MYO16: variants seen among roughly 807,000 people sequenced by gnomAD.
The protein encoded by MYO16 is myosin XVI, also known as unconventional myosin-XVI.
In MYO16, 94 loss-of-function variants were observed where a neutral mutation model predicts 205.3. The ratio of observed to expected loss-of-function variants is 0.46; its 90% CI spans 0.39 to 0.54. The LOEUF (loss-of-function observed/expected upper bound fraction) is 0.54. Ranked by LOEUF, MYO16 falls within the 20% of genes least tolerant of loss-of-function variation. MYO16 has a pLI of 0.00. For missense variants in MYO16, 2,315 were observed against 2,387.5 expected (o/e 0.97, Z 0.63); for synonymous variants, 988 against 954.0 (o/e 1.04, Z -0.66).
At chr13:108,681,911 C>G (rs1882479762) in intron 2 of MYO16, among the ~76,000 whole-genome samples, 1 of 152,158 alleles carries the variant, frequency 6.6e-6, no homozygotes, top group Non-Finnish European at 1.5e-5. Flanking sequence ...CTATGTTATA[C>G]TCCATAAACA....
chr13:109,014,452 CTT>C (rs1486122556), intron 22 of MYO16, among the ~76,000 whole-genome samples: 1 of 152,136 alleles, frequency 6.6e-6, no homozygotes, highest in East Asian at 1.9e-4. Flanking sequence ...AATGCGGGCT[CTT>C]TTTTGGTTCC....
At chr13:108,868,307 G>GT (rs1328051908) in intron 12 of MYO16, among the ~76,000 whole-genome samples, 4 of 151,970 alleles carry the variant, frequency 2.6e-5, no homozygotes, top group Admixed American at 1.3e-4. Flanking sequence ...TATTTCATTT[G>GT]TTTACTTATC....
intron 34 of MYO16, among the ~76,000 whole-genome samples, chr13:109,186,327 A>C (rs1010423118): frequency 3.3e-5 from 5 of 152,208 alleles, no homozygotes; most frequent in African/African-American, 1.2e-4. Flanking sequence ...ACTGAAGGGC[A>C]GGTGTCACAC....
At chr13:108,556,835 C>T in the MYO16 span, among the ~76,000 whole-genome samples, 1 of 151,918 alleles carries the variant, frequency 6.6e-6, no homozygotes, top group Non-Finnish European at 1.5e-5. Context: ...AAAGATATAG[C>T]TTCATTCTTC....
intron 20 of MYO16, among the ~76,000 whole-genome samples, chr13:108,968,376 A>C (rs776857671): frequency 6.6e-6 from 1 of 152,192 alleles, no homozygotes; most frequent in Non-Finnish European, 1.5e-5. Context: ...TTGGGAGGCC[A>C]ACGCGGGTGG....
At chr13:109,060,495 G>C (rs914545935) in intron 27 of MYO16, among the ~76,000 whole-genome samples, 2 of 151,704 alleles carry the variant, frequency 1.3e-5, no homozygotes, top group Non-Finnish European at 2.9e-5. Flanking sequence ...GGGCTGGGGG[G>C]CAAGGGGACG....
intron 4 of MYO16, among the ~76,000 whole-genome samples, chr13:108,755,278 C>G (rs1323725424): frequency 6.6e-6 from 1 of 151,886 alleles, no homozygotes; most frequent in Non-Finnish European, 1.5e-5. Context: ...ACAAGCTGAG[C>G]CCAGGGGACT....
chr13:108,793,814 C>T (rs140963308), intron 6 of MYO16, among the ~76,000 whole-genome samples, 174 bp downstream of exon 6: 7 of 152,202 alleles, frequency 4.6e-5, no homozygotes, highest in African/African-American at 9.6e-5. Context: ...AATGCAGACC[C>T]GGCAGTCCCA....
intron 6 of MYO16, among the ~76,000 whole-genome samples, chr13:108,794,911 T>A (rs1438323915): frequency 1.3e-5 from 2 of 152,148 alleles, no homozygotes; most frequent in Non-Finnish European, 2.9e-5. Context: ...ATAAGGAAAG[T>A]GATTTAACTA....
intron 15 of MYO16, among the ~76,000 whole-genome samples, chr13:108,905,298 A>C (rs1880913287): frequency 6.6e-6 from 1 of 152,204 alleles, no homozygotes; most frequent in East Asian, 1.9e-4. Context: ...TTTTCAGGTA[A>C]TTGGAAATAA....
rs377248028 is a variant in MYO16 at position 108,727,550 on chromosome 13, C to T, written c.474C>T (p.Cys158=). 5.3e-5 allele frequency: 85 copies of T among 1,613,628 alleles called. No homozygotes were observed. Among genetic ancestry groups the T allele is most frequent in the Non-Finnish European group, 6.5e-5 (77 of 1,179,838 alleles). The change falls in exon 4 of 35, where the codon TGC becomes TGT. Residue 158 remains cysteine, a synonymous_variant. Transcript: ENST00000457511. Reference sequence around the variant, plus strand: ...CGCCCATGCACATTGCCTGTGCCTGCGATAACCCTGATATTGTCCTGCTTC... The same window carrying T: ...CGCCCATGCACATTGCCTGTGCCTGTGATAACCCTGATATTGTCCTGCTTC... ...FWTPMHIACA[C]DNPDIVLLLV...
chr13:109,000,882 T>C (rs1380338111), intron 21 of MYO16, among the ~76,000 whole-genome samples: 1 of 152,124 alleles, frequency 6.6e-6, no homozygotes, highest in African/African-American at 2.4e-5. Flanking sequence ...GACTCCTTTT[T>C]GAAGACCAAT....
At chr13:109,028,306 TTAAA>T (rs1445008235) in intron 23 of MYO16, 11 of 226,290 alleles carry the variant, frequency 4.9e-5, no homozygotes, top group African/African-American at 2.4e-4. Context: ...AAATATAGTA[TTAAA>T]TACAGAAAAT....
chr13:109,022,999 A>G, intron 23 of MYO16, among the ~76,000 whole-genome samples: 1 of 134,996 alleles, frequency 7.4e-6, no homozygotes, highest in East Asian at 2.1e-4. Flanking sequence ...TTTATATATT[A>G]TATATACACA....
intron 4 of MYO16, among the ~76,000 whole-genome samples, chr13:108,777,050 A>G (rs1392544989): frequency 6.6e-6 from 1 of 152,158 alleles, no homozygotes; most frequent in Non-Finnish European, 1.5e-5. Context: ...GCAAAGTGCC[A>G]TGAGTCTCCT....
chr13:108,718,446 A>G (rs1209300692), intron 3 of MYO16, among the ~76,000 whole-genome samples: 1 of 148,850 alleles, frequency 6.7e-6, no homozygotes, highest in African/African-American at 2.5e-5. Context: ...CGGGGCCCCC[A>G]CTCCACATCC....
chr13:109,204,510 G>A (rs931698214), intron 34 of MYO16, among the ~76,000 whole-genome samples: 1 of 152,154 alleles, frequency 6.6e-6, no homozygotes, highest in Admixed American at 6.5e-5. Flanking sequence ...GATGACTGTG[G>A]TCCCATTCAG....
At chr13:109,126,530 C>G (rs1876259321) in intron 30 of MYO16, among the ~76,000 whole-genome samples, 1 of 152,158 alleles carries the variant, frequency 6.6e-6, no homozygotes, top group South Asian at 2.1e-4. Context: ...TATATGACTT[C>G]CAAAATAATA....
At position 108,683,164 on chromosome 13, in the gene MYO16, G is replaced by T. The variant is rs79032134; in HGVS notation, c.292+17015G>T. Among the ~76,000 whole-genome samples the T allele has an allele frequency of 4.2e-3, 637 of 152,236 alleles. 6 individuals carry two copies. Among genetic ancestry groups the T allele is most frequent in the African/African-American group, 0.015 (608 of 41,526 alleles). Reference sequence around the variant, plus strand: ...GTATTTCTCTTCTGTACGCCTACAGGCATTTTATCTGTGGATCTATAATTC... The same window carrying T: ...GTATTTCTCTTCTGTACGCCTACAGTCATTTTATCTGTGGATCTATAATTC... On this transcript the variant is annotated intron_variant, in intron 2 of 34. Coordinates refer to ENST00000457511, the MANE Select transcript of MYO16 (RefSeq NM_001198950.3).
Sources: allele counts gnomAD v4.1 joint callset (sites outside exome capture counted in the v4.1 genomes callset), GRCh38; gene constraint gnomAD v4.1.1; transcripts MANE v1.5; gene names NCBI Gene and HGNC (gene_info 2026-07-23, HGNC 2026-07-21).